IPO11: variants seen among roughly 807,000 people sequenced by gnomAD.
The protein encoded by IPO11 is importin 11, also known as importin-11.
IPO11 carries 66 observed loss-of-function variants against 143.2 expected under a neutral mutation model. The observed-to-expected ratio is 0.46, with a 90% CI of 0.38 to 0.57. The LOEUF (loss-of-function observed/expected upper bound fraction) is 0.57. IPO11 is among the 20% of genes least tolerant of loss of function. The pLI is 0.00. For synonymous variants in IPO11, 385 were observed against 377.8 expected (o/e 1.02, Z -0.22); for missense variants, 1,026 against 1,141.0 (o/e 0.90, Z 1.45).
chr5:62,521,233 C>T (rs1742191167), intron 20 of IPO11, among the ~76,000 whole-genome samples: 1 of 152,152 alleles, frequency 6.6e-6, no homozygotes, highest in Admixed American at 6.5e-5. Flanking sequence ...TGATGGCAGC[C>T]ATGAATGGCA....
At chr5:62,457,951 A>G (rs535905891) in intron 5 of IPO11, among the ~76,000 whole-genome samples, 6 of 152,208 alleles carry the variant, frequency 3.9e-5, no homozygotes, top group Admixed American at 2.0e-4. Flanking sequence ...GATCGAGACC[A>G]TCCTGGCTAA....
intron 5 of IPO11, among the ~76,000 whole-genome samples, chr5:62,464,696 T>C (rs1580209972): frequency 6.6e-6 from 1 of 151,876 alleles, no homozygotes; most frequent in Non-Finnish European, 1.5e-5. Flanking sequence ...CACAGGCTGG[T>C]CTCCTGACCC....
chr5:62,505,657 G>T (rs575324181), intron 18 of IPO11, among the ~76,000 whole-genome samples: 3 of 151,982 alleles, frequency 2.0e-5, no homozygotes, highest in Admixed American at 1.3e-4. Flanking sequence ...AGTTTCTAAC[G>T]TAATTTTCAT....
chr5:62,597,121 C>A (rs1383131420), intron 28 of IPO11, among the ~76,000 whole-genome samples: 1 of 152,014 alleles, frequency 6.6e-6, no homozygotes, highest in East Asian at 1.9e-4. Context: ...TGAGACAGTG[C>A]AAAAGAAAGC....
chr5:62,573,420 C>A (rs981829926), intron 27 of IPO11, among the ~76,000 whole-genome samples: 1 of 152,130 alleles, frequency 6.6e-6, no homozygotes, highest in South Asian at 2.1e-4. Context: ...CTTCACTAAC[C>A]TTTCTGACTG....
intron 27 of IPO11, among the ~76,000 whole-genome samples, chr5:62,587,669 TAG>T (rs1744846940): frequency 6.6e-6 from 1 of 152,226 alleles, no homozygotes; most frequent in African/African-American, 2.4e-5. Context: ...TTAAGAGATT[TAG>T]AGACTGTTAA....
At chr5:62,595,266 A>G (rs966099488) in intron 28 of IPO11, among the ~76,000 whole-genome samples, 1 of 152,226 alleles carries the variant, frequency 6.6e-6, no homozygotes, top group Non-Finnish European at 1.5e-5. Context: ...AAGTAGTCTT[A>G]TCTTGGTGAG....
chr5:62,581,146 T>C (rs528448751), intron 27 of IPO11: 1 of 1,551,010 alleles, frequency 6.4e-7, no homozygotes, highest in African/African-American at 1.4e-5. Flanking sequence ...ACTTGAATAC[T>C]ACAGCTTTTA....
Position 62,476,748 on chromosome 5 carries a change from A to C in IPO11, c.823A>C (p.Lys275Gln). Reference sequence around the variant, plus strand: ...GGAAAAGACCATCATTCTTTTTACTAAAGTGGTAAGTTTTTTAAAAACTTG... The same window carrying C: ...GGAAAAGACCATCATTCTTTTTACTCAAGTGGTAAGTTTTTTAAAAACTTG... Reference protein sequence around the residue: ...RLEKTIILFTKVLLDFLDQHP... With the variant: ...RLEKTIILFTQVLLDFLDQHP... Residue 275 changes from lysine (K) to glutamine (Q), a missense_variant, in exon 9 of 30, where the codon AAA becomes CAA. By Grantham distance (53) the Lys-to-Gln change is moderately conservative. Transcript: ENST00000325324. 1 of 1,519,312 alleles carries C rather than the reference A, an allele frequency of 6.6e-7. No homozygotes were observed. The highest frequency in any genetic ancestry group is 8.8e-7 in the Non-Finnish European group (1 of 1,130,422). 94.1% of individuals were successfully genotyped at this position (1,519,312 alleles called of 1,614,324 possible). A position where few individuals can be genotyped will look rare whatever the true frequency, so the allele number is the denominator to read the frequency against.
chr5:62,597,161 C>T (rs1445442588), intron 28 of IPO11, among the ~76,000 whole-genome samples: 1 of 152,068 alleles, frequency 6.6e-6, no homozygotes, highest in Non-Finnish European at 1.5e-5. Flanking sequence ...AAACTATTAA[C>T]ATAGGATTGA....
chr5:62,543,811 C>T (rs1018973343), intron 24 of IPO11, among the ~76,000 whole-genome samples: 5 of 151,904 alleles, frequency 3.3e-5, no homozygotes, highest in African/African-American at 4.8e-5. Context: ...CTGCTTTCTC[C>T]TGTGGGCATT....
intron 27 of IPO11, chr5:62,580,441 A>G: frequency 1.3e-6 from 2 of 1,551,406 alleles, no homozygotes; most frequent in Non-Finnish European, 1.7e-6. Flanking sequence ...TCTGTCATTT[A>G]ATAATCTTAC....
At position 62,482,619 on chromosome 5, in the gene IPO11, T is replaced by G. The variant is rs1317545521; in HGVS notation, c.829-482T>G. 2.0e-5 allele frequency among the ~76,000 whole-genome samples: 3 copies of G among 152,232 alleles called. No individual in the cohort carries two copies. In the South Asian group the frequency reaches 6.2e-4, roughly 31 times the overall value. Reference sequence around the variant, plus strand: ...CTAGATCCATTATTTGATCAGGAGTTACACAATGATGGCATTCTAATTCTG... The same window carrying G: ...CTAGATCCATTATTTGATCAGGAGTGACACAATGATGGCATTCTAATTCTG... On this transcript the variant is annotated intron_variant, in intron 9 of 29. Coordinates refer to ENST00000325324, the MANE Select transcript of IPO11 (RefSeq NM_016338.5).
intron 8 of IPO11, 106 bp from the exon 9 acceptor site, chr5:62,476,577 C>T (rs1745963978): frequency 1.6e-6 from 2 of 1,216,324 alleles, no homozygotes; most frequent in East Asian, 2.9e-5. Context: ...ATTCATAATG[C>T]AAAATATGCA....
At chr5:62,460,506 C>CTTTTTT (rs1442759061) in intron 5 of IPO11, among the ~76,000 whole-genome samples, 1 of 152,098 alleles carries the variant, frequency 6.6e-6, no homozygotes, top group East Asian at 1.9e-4. Context: ...TGATGTAAAA[C>CTTTTTT]TTTTTTGGTG....
intron 21 of IPO11, among the ~76,000 whole-genome samples, chr5:62,529,348 C>G (rs985348559): frequency 3.3e-5 from 5 of 151,988 alleles, no homozygotes; most frequent in Admixed American, 6.6e-5. Context: ...GCTGTTTACT[C>G]AAAAGATCAT....
At position 62,470,305 on chromosome 5, in the gene IPO11, GA is replaced by G. The variant is rs1745719791; in HGVS notation, c.706del (p.Met236TrpfsTer11). ...TGGAACCTCATAAGAATATGGAGGT[GA>G]TGGTAAGTGATCGAAGAAATTTGCT... is the stretch of plus-strand genomic sequence containing the variant. ...FVEPHKNMEVMGFLHGIFERL... is the reference protein window; with the variant it reads ...FVEPHKNMEVXGFLHGIFERL... On this transcript the variant is annotated frameshift_variant and splice_region_variant, in exon 7 of 30. Transcript: ENST00000325324. LOFTEE classifies it high-confidence loss of function. 6.2e-7 allele frequency: 1 copy of G among 1,613,122 alleles called. No individual in the cohort carries two copies. The highest frequency in any genetic ancestry group is 1.3e-5 in the African/African-American group (1 of 74,914).
At chr5:62,530,961 G>A (rs1478236056) in intron 22 of IPO11, among the ~76,000 whole-genome samples, 176 bp downstream of exon 22, 2 of 152,122 alleles carry the variant, frequency 1.3e-5, no homozygotes, top group Admixed American at 6.5e-5. Flanking sequence ...GAGGTTTGGG[G>A]TACAATTGAT....
At chr5:62,570,237 G>C (rs1394178749) in intron 27 of IPO11, among the ~76,000 whole-genome samples, 9 of 152,098 alleles carry the variant, frequency 5.9e-5, no homozygotes, top group Admixed American at 5.9e-4. Flanking sequence ...TCATTGAAGG[G>C]TTATAATCAT....
Sources: gnomAD v4.1 joint callset for allele counts (sites outside exome capture counted in the v4.1 genomes callset) on GRCh38, gnomAD v4.1.1 for gene constraint, MANE v1.5 for transcripts, NCBI Gene and HGNC (gene_info 2026-07-23, HGNC 2026-07-21) for gene names.